MDFIC2: variants seen among roughly 807,000 people sequenced by gnomAD.
The protein encoded by MDFIC2 is MyoD family inhibitor domain containing 2, also known as myoD family inhibitor domain-containing protein 2.
At chr3:70,260,106 C>T (rs1385978187) in intron 2 of MDFIC2, among the ~76,000 whole-genome samples, 1 of 152,168 alleles carries the variant, frequency 6.6e-6, no homozygotes, top group Non-Finnish European at 1.5e-5. Flanking sequence ...TATCAATTGG[C>T]TTACAGTTCT....
rs568052824 is a variant in MDFIC2, at chr3:70,296,471, C to T, written c.88+15415G>A. 1.4e-4 allele frequency among the ~76,000 whole-genome samples: 22 copies of T among 152,134 alleles called. 1 individual carries two copies. The highest frequency in any genetic ancestry group is 1.0e-3 in the Admixed American group (16 of 15,276). Reference sequence around the variant, plus strand: ...TTATAGAACCCATCACCTCTCACACCGTGACATTGGTTAACATAATTTTCC... The same window carrying T: ...TTATAGAACCCATCACCTCTCACACTGTGACATTGGTTAACATAATTTTCC... On this transcript the variant is annotated intron_variant, in intron 2 of 3. Transcript: ENST00000567252.
intron 2 of MDFIC2, among the ~76,000 whole-genome samples, chr3:70,288,472 C>T (rs1221127133): frequency 2.6e-5 from 4 of 151,198 alleles, no homozygotes; most frequent in Non-Finnish European, 4.4e-5. Flanking sequence ...GAGAACTTTA[C>T]TTCCAAGTAT....
At chr3:70,265,704 G>T (rs1295033038) in intron 2 of MDFIC2, among the ~76,000 whole-genome samples, 1 of 152,230 alleles carries the variant, frequency 6.6e-6, no homozygotes, top group Non-Finnish European at 1.5e-5. Flanking sequence ...AACTGCCTGA[G>T]AATGGGCAAT....
At chr3:70,220,917 C>T (rs895197236) in intron 2 of MDFIC2, among the ~76,000 whole-genome samples, 3 of 152,070 alleles carry the variant, frequency 2.0e-5, no homozygotes, top group Non-Finnish European at 2.9e-5. Flanking sequence ...GAGCTTAGCA[C>T]AGGGCTTGGC....
chr3:70,305,124 T>A (rs1390386719), intron 2 of MDFIC2, among the ~76,000 whole-genome samples: 2 of 152,240 alleles, frequency 1.3e-5, no homozygotes. Context: ...CACAACATCT[T>A]GTTTCAAAGC....
intron 2 of MDFIC2, among the ~76,000 whole-genome samples, chr3:70,245,440 C>T (rs1298603267): frequency 1.3e-5 from 2 of 151,368 alleles, no homozygotes; most frequent in Non-Finnish European, 1.5e-5. Flanking sequence ...ACAAACTTGA[C>T]TTTGAATATG....
rs368996306 is a variant in MDFIC2, at chr3:70,211,362, TTGC to T, written c.89-4575_89-4573del. ...CCTTCCTTTTGCCCTTCCCTTCCCT[TTGC>T]CCTTCCCTTCCCTTTCCTTCCTTTC... is the stretch of plus-strand genomic sequence containing the variant. On this transcript the variant is annotated intron_variant, in intron 2 of 3. Coordinates refer to ENST00000567252, the MANE Select transcript of MDFIC2 (RefSeq NM_001364677.1). Among the ~76,000 whole-genome samples, 28 of 16,250 alleles carry T rather than the reference TTGC, an allele frequency of 1.7e-3. 6 individuals are homozygous for T. Among genetic ancestry groups the T allele is most frequent in the African/African-American group, 3.9e-3 (13 of 3,296 alleles). 10.7% of individuals were successfully genotyped at this position (16,250 alleles called of 152,430 possible).
In MDFIC2 at chr3:70,261,664, G is replaced by A. The variant is rs576287760; in HGVS notation, c.88+50222C>T. On this transcript the variant is annotated intron_variant, in intron 2 of 3. Transcript: ENST00000567252. The stretch of plus-strand genomic sequence containing the variant: ...CATAAGTGCAGGACCAGCCAAAACT[G>A]GCCTTATTTTGTTGAAAACAGAATG... 2.0e-5 allele frequency among the ~76,000 whole-genome samples: 3 copies of A among 152,192 alleles called. No individual in the cohort carries two copies. The East Asian group carries it at 5.8e-4, about 29-fold the overall frequency.
intron 2 of MDFIC2, among the ~76,000 whole-genome samples, chr3:70,232,600 G>C (rs894787013): frequency 1.3e-5 from 2 of 151,820 alleles, no homozygotes; most frequent in Non-Finnish European, 2.9e-5. Context: ...GGGTTTCACT[G>C]TGTGGGCCAG....
intron 2 of MDFIC2, among the ~76,000 whole-genome samples, chr3:70,288,195 TA>T: frequency 7.1e-6 from 1 of 141,400 alleles, no homozygotes; most frequent in Non-Finnish European, 1.5e-5. Context: ...TGTGGGCATT[TA>T]GTGCTATAAA....
intron 2 of MDFIC2, among the ~76,000 whole-genome samples, chr3:70,221,891 G>T (rs1044722652): frequency 6.6e-6 from 1 of 152,158 alleles, no homozygotes; most frequent in Non-Finnish European, 1.5e-5. Flanking sequence ...ACCGCAATTT[G>T]TGCCAACCCA....
chr3:70,221,811 C>A (rs916467285), intron 2 of MDFIC2, among the ~76,000 whole-genome samples: 1 of 152,022 alleles, frequency 6.6e-6, no homozygotes, highest in Non-Finnish European at 1.5e-5. Flanking sequence ...TTGCCATTTA[C>A]AGGACATTGC....
chr3:70,203,105 A>C (rs1701257534), intron 3 of MDFIC2, among the ~76,000 whole-genome samples: 1 of 152,100 alleles, frequency 6.6e-6, no homozygotes, highest in Admixed American at 6.6e-5. Context: ...CCTTATCCTA[A>C]GTGGCAAGAA....
chr3:70,217,815 C>T (rs1027409482), intron 2 of MDFIC2, among the ~76,000 whole-genome samples: 1 of 152,214 alleles, frequency 6.6e-6, no homozygotes, highest in Middle Eastern at 3.4e-3. Context: ...CTAGTTCTGT[C>T]TCTGAGTTAT....
rs369874187 is a variant in MDFIC2, at chr3:70,198,739, G to A, written c.311-1554C>T. Among the ~76,000 whole-genome samples, 4 of 152,246 alleles carry A rather than the reference G, an allele frequency of 2.6e-5. No homozygotes were observed. The East Asian group carries it at 5.8e-4, about 22-fold the overall frequency. On this transcript the variant is annotated intron_variant, in intron 3 of 3. Transcript: ENST00000567252. Reference sequence around the variant, plus strand: ...CTACTCAGTATTTATAGTTCAGGCAGCATATTCCACAATACCTCTACTGTG... The same window carrying A: ...CTACTCAGTATTTATAGTTCAGGCAACATATTCCACAATACCTCTACTGTG...
chr3:70,299,925 A>G (rs902912562), intron 2 of MDFIC2, among the ~76,000 whole-genome samples: 4 of 152,130 alleles, frequency 2.6e-5, no homozygotes, highest in Middle Eastern at 3.4e-3. Context: ...ACACTCCCAC[A>G]CACGCCCTTT....
chr3:70,216,108 C>T (rs1312408118), intron 2 of MDFIC2, among the ~76,000 whole-genome samples: 1 of 151,542 alleles, frequency 6.6e-6, no homozygotes, highest in Admixed American at 6.6e-5. Flanking sequence ...ATGTAAATAT[C>T]TGGTATATGT....
At chr3:70,212,034 T>C (rs1701356744) in intron 2 of MDFIC2, among the ~76,000 whole-genome samples, 1 of 152,044 alleles carries the variant, frequency 6.6e-6, no homozygotes, top group Non-Finnish European at 1.5e-5. Flanking sequence ...CCTCTTAGTT[T>C]CTTTCTTCCT....
chr3:70,237,979 C>CTTTTTTTTTTTTTTTTTTTTTTTT lies in MDFIC2; in HGVS notation c.89-31213_89-31190dup, dbSNP rs71672662. 6.5e-4 allele frequency among the ~76,000 whole-genome samples: 32 copies of CTTTTTTTTTTTTTTTTTTTTTTTT among 48,932 alleles called. 12 individuals are homozygous for CTTTTTTTTTTTTTTTTTTTTTTTT. Among genetic ancestry groups the CTTTTTTTTTTTTTTTTTTTTTTTT allele is most frequent in the East Asian group, 4.0e-3 (4 of 994 alleles). 32.1% of individuals were successfully genotyped at this position (48,932 alleles called of 152,430 possible). On this transcript the variant is annotated intron_variant, in intron 2 of 3. Transcript: ENST00000567252. The stretch of plus-strand genomic sequence containing the variant: ...GGAAAAGAAACTAATTGAGTGGTAT[C>CTTTTTTTTTTTTTTTTTTTTTTTT]TTTTTTTTTTTTTTTTTTTTTTTTT...
Sources: gnomAD v4.1 joint callset for allele counts (sites outside exome capture counted in the v4.1 genomes callset) on GRCh38, gnomAD v4.1.1 for gene constraint, MANE v1.5 for transcripts, NCBI Gene and HGNC (gene_info 2026-07-23, HGNC 2026-07-21) for gene names.